GUCY2C: variants seen among roughly 807,000 people sequenced by gnomAD.
GUCY2C encodes guanylyl cyclase C.
A neutral mutation model predicts 131.1 loss-of-function variants in GUCY2C; 118 were observed. That is an observed-to-expected ratio of 0.90 (90% CI 0.78 to 1.05). GUCY2C has a LOEUF of 1.05. GUCY2C is among the 50% of genes least tolerant of loss of function. The pLI, the probability that GUCY2C is intolerant of heterozygous loss-of-function variation, is 0.00. For missense variants in GUCY2C, 1,161 were observed against 1,304.4 expected (o/e 0.89, Z 1.69); for synonymous variants, 452 against 457.8 (o/e 0.99, Z 0.16).
intron 21 of GUCY2C, 76 bp downstream of exon 21, chr12:14,625,669 TATATAAAAGGAA>T: frequency 7.5e-7 from 1 of 1,332,688 alleles, no homozygotes; most frequent in Non-Finnish European, 1.0e-6. Context: ...TACTGAAGAA[TATATAAAAGGAA>T]ACAAATCCTA....
chr12:14,695,027 A>G (rs34335653), intron 1 of GUCY2C, among the ~76,000 whole-genome samples: 39,035 of 152,090 alleles, frequency 0.26, 6,620 homozygotes, highest in African/African-American at 0.46. Flanking sequence ...CAGTGGATAT[A>G]ATACATACTG....
chr12:14,620,966 C>A, intron 23 of GUCY2C, 76 bp downstream of exon 23: 2 of 1,206,462 alleles, frequency 1.7e-6, no homozygotes, highest in Non-Finnish European at 2.4e-6. Context: ...ACTTGAAGAC[C>A]TTTTATCCTT....
At chr12:14,622,615 G>C (rs553014217) in intron 21 of GUCY2C, among the ~76,000 whole-genome samples, 1 of 152,168 alleles carries the variant, frequency 6.6e-6, no homozygotes, top group Non-Finnish European at 1.5e-5. Context: ...ACAGGTATCA[G>C]ATCTGAATTT....
intron 12 of GUCY2C, among the ~76,000 whole-genome samples, chr12:14,654,932 C>G (rs7961890): frequency 6.6e-6 from 1 of 152,198 alleles, no homozygotes; most frequent in Non-Finnish European, 1.5e-5. Context: ...ACTTAGTATA[C>G]AGACAAACTG....
At chr12:14,651,338 A>C in intron 15 of GUCY2C, 69 bp downstream of exon 15, 2 of 786,928 alleles carry the variant, frequency 2.5e-6, no homozygotes, top group Non-Finnish European at 4.4e-6. Flanking sequence ...TTTACTCGGT[A>C]AATATTTTAA....
intron 11 of GUCY2C, among the ~76,000 whole-genome samples, chr12:14,659,451 C>T (rs1287157738): frequency 2.6e-5 from 4 of 152,066 alleles, no homozygotes; most frequent in Non-Finnish European, 4.4e-5. Flanking sequence ...CTGTTTTGTC[C>T]CTGTTTGCCT....
chr12:14,614,770 T>A lies in GUCY2C; in HGVS notation c.3047+97A>T, dbSNP rs114542834. 3.2e-3 allele frequency: 2,216 copies of A among 693,678 alleles called. 16 individuals are homozygous for A. The highest frequency in any genetic ancestry group is 0.019 in the African/African-American group (995 of 53,256). The allele number at this position is 693,678 out of a possible 1,614,324, so 43.0% of individuals were successfully genotyped here. On this transcript the variant is annotated intron_variant, in intron 26 of 26. Transcript: ENST00000261170. Reference sequence around the variant, plus strand: ...AGTCCCTTACTTCTTATGCAATATATGCCACTTGTAAGGCATTTGCCAATT... The same window carrying A: ...AGTCCCTTACTTCTTATGCAATATAAGCCACTTGTAAGGCATTTGCCAATT...
At chr12:14,639,206 G>A (rs11056073) in intron 19 of GUCY2C, among the ~76,000 whole-genome samples, 8,397 of 149,944 alleles carry the variant, frequency 0.056, 733 homozygotes, top group African/African-American at 0.19. Context: ...GCCGAGGCAG[G>A]AGAATTGCTT....
chr12:14,659,011 T>C (rs1446665558), intron 11 of GUCY2C, among the ~76,000 whole-genome samples: 2 of 152,040 alleles, frequency 1.3e-5, no homozygotes, highest in Admixed American at 6.5e-5. Context: ...ATTTTGTTTT[T>C]TACATGTGGA....
chr12:14,635,671 T>C (rs1374642360), intron 19 of GUCY2C, among the ~76,000 whole-genome samples: 1 of 152,034 alleles, frequency 6.6e-6, no homozygotes, highest in African/African-American at 2.4e-5. Flanking sequence ...AAAAAGTTGT[T>C]TTTATGAAAA....
intron 1 of GUCY2C, among the ~76,000 whole-genome samples, chr12:14,691,585 G>A (rs1174484918): frequency 1.3e-5 from 2 of 152,062 alleles, no homozygotes; most frequent in African/African-American, 4.8e-5. Flanking sequence ...CATGAAGATG[G>A]CCACACTTGC....
chr12:14,612,796 A>G lies in GUCY2C; in HGVS notation c.*321T>C. 4.6e-6 allele frequency: 1 copy of G among 219,290 alleles called. No individual in the cohort carries two copies. The highest frequency in any genetic ancestry group is 8.9e-6 in the Non-Finnish European group (1 of 111,844). 13.6% of individuals were successfully genotyped at this position (219,290 alleles called of 1,614,324 possible). A position where few individuals can be genotyped will look rare whatever the true frequency, so the allele number is the denominator to read the frequency against. ...GAAAGCCAGTAAACAAAAACGATAA[A>G]AATAAACAAACAAAAAATAAATGAA... On this transcript the variant is annotated 3_prime_UTR_variant, in exon 27 of 27. Coordinates refer to ENST00000261170, the MANE Select transcript of GUCY2C (RefSeq NM_004963.4).
intron 15 of GUCY2C, among the ~76,000 whole-genome samples, chr12:14,646,025 G>A (rs1362342796): frequency 6.6e-6 from 1 of 151,922 alleles, no homozygotes; most frequent in Non-Finnish European, 1.5e-5. Context: ...TACTAGAGAC[G>A]GGGTTTCGCT....
intron 16 of GUCY2C, among the ~76,000 whole-genome samples, chr12:14,644,740 C>CTTTTTTTTT (rs542151875): frequency 9.2e-6 from 1 of 108,656 alleles, no homozygotes; most frequent in African/African-American, 3.6e-5. Context: ...ATTCAGTTGT[C>CTTTTTTTTT]TTTTTTTTTT....
Position 14,676,903 on chromosome 12 carries a change from G to T in GUCY2C, c.899C>A (p.Ser300Tyr). 1 of 1,571,692 alleles carries T rather than the reference G, an allele frequency of 6.4e-7. No homozygotes were observed. The highest frequency in any genetic ancestry group is 8.7e-7 in the Non-Finnish European group (1 of 1,150,282). ...GCTATTTAGAAGGGAATTCCCAGGAGACAGCGTCAGAACAAGGACATTTTT... is the reference window on the plus strand; with the variant it reads ...GCTATTTAGAAGGGAATTCCCAGGATACAGCGTCAGAACAAGGACATTTTT... ...YMKNVLVLTL[S>Y]PGNSLLNSSF... Residue 300 changes from serine (S) to tyrosine (Y), a missense_variant, in exon 7 of 27, where the codon TCT becomes TAT. By Grantham distance (144) the Ser-to-Tyr change is moderately radical (BLOSUM62 -2). Coordinates refer to ENST00000261170, the MANE Select transcript of GUCY2C (RefSeq NM_004963.4).
chr12:14,617,467 G>T (rs1285689968), intron 24 of GUCY2C, among the ~76,000 whole-genome samples: 1 of 152,168 alleles, frequency 6.6e-6, no homozygotes, highest in Non-Finnish European at 1.5e-5. Flanking sequence ...AAGCTTGGGT[G>T]TTGGAGTTTG....
At chr12:14,654,764 G>A (rs910878564) in intron 12 of GUCY2C, among the ~76,000 whole-genome samples, 9 of 152,276 alleles carry the variant, frequency 5.9e-5, no homozygotes, top group Non-Finnish European at 1.3e-4. Context: ...GTGCAGAGGT[G>A]GAGCGTGTGG....
intron 20 of GUCY2C, among the ~76,000 whole-genome samples, chr12:14,628,117 T>C (rs1947061510): frequency 6.6e-6 from 1 of 152,198 alleles, no homozygotes; most frequent in African/African-American, 2.4e-5. Flanking sequence ...ATTTTTCTCA[T>C]TCTGCAGTGT....
At position 14,676,989 on chromosome 12, in the gene GUCY2C, G is replaced by A; in HGVS notation, c.831-18C>T. 3 of 906,494 alleles carry A rather than the reference G, an allele frequency of 3.3e-6. No individual in the cohort carries two copies. The highest frequency in any genetic ancestry group is 5.0e-6 in the Non-Finnish European group (3 of 601,026). 56.2% of individuals were successfully genotyped at this position (906,494 alleles called of 1,614,324 possible). A position where few individuals can be genotyped will look rare whatever the true frequency, so the allele number is the denominator to read the frequency against. Reference sequence around the variant, plus strand: ...ACTGGTCACTGTAATAAAAAGCACAGGTTCCTCATGAAAATTAGGAAAAAT... The same window carrying A: ...ACTGGTCACTGTAATAAAAAGCACAAGTTCCTCATGAAAATTAGGAAAAAT... On this transcript the variant is annotated intron_variant, in intron 6 of 26. Transcript: ENST00000261170.
Sources: allele counts gnomAD v4.1 joint callset (sites outside exome capture counted in the v4.1 genomes callset), GRCh38; gene constraint gnomAD v4.1.1; transcripts MANE v1.5; gene names NCBI Gene and HGNC (gene_info 2026-07-23, HGNC 2026-07-21).